SFTPD: variants seen among roughly 807,000 people sequenced by gnomAD.
SFTPD encodes the protein pulmonary surfactant-associated protein D.
Under a neutral mutation model 34.6 loss-of-function variants are expected in SFTPD, and 18 were observed. The ratio of observed to expected loss-of-function variants is 0.52; its 90% CI spans 0.36 to 0.77. The LOEUF (loss-of-function observed/expected upper bound fraction) is 0.77. Ranked by LOEUF, SFTPD falls within the 30% of genes least tolerant of loss-of-function variation. The probability of loss-of-function intolerance (pLI) is 0.00; values close to 1 mark genes in which losing one functional copy is unlikely to be tolerated. For missense variants in SFTPD, 433 were observed against 468.9 expected, an observed-to-expected ratio of 0.92 and a Z score of 0.71; for synonymous variants, 155 against 180.9, an observed-to-expected ratio of 0.86 and a Z score of 1.15.
In SFTPD at chr10:79,938,278, G is replaced by C. The variant is rs774837929; in HGVS notation, c.752-50C>G. 2.6e-6 allele frequency: 4 copies of C among 1,530,450 alleles called. No homozygotes were observed. In the Admixed American group the frequency reaches 5.4e-5, roughly 21 times the overall value. The allele number at this position is 1,530,450 out of a possible 1,614,324, so 94.8% of individuals were successfully genotyped here. A position where few individuals can be genotyped will look rare whatever the true frequency, so the allele number is the denominator to read the frequency against. On this transcript the variant is annotated intron_variant, in intron 7 of 7. Coordinates refer to ENST00000372292, the MANE Select transcript of SFTPD (RefSeq NM_003019.5). ...GGGGTTGTGGCATCACCTGGCCAAA[G>C]CTCAGGGGCTGTGAGACCTCTGTGC...
At chr10:79,960,247 C>T (rs1842764262) in intron 1 of SFTPD, among the ~76,000 whole-genome samples, 1 of 142,554 alleles carries the variant, frequency 7.0e-6, no homozygotes, top group Non-Finnish European at 1.5e-5. Context: ...GACAGGGATG[C>T]CCTCTCTCAC....
Position 79,968,704 on chromosome 10 carries a change from A to T in SFTPD, c.36+13871T>A, listed in dbSNP as rs145389070. 60 of 152,306 alleles carry T rather than the reference A, an allele frequency of 3.9e-4. 1 individual carries two copies. The highest frequency in any genetic ancestry group is 1.2e-3 in the African/African-American group (51 of 41,572). The allele number at this position is 152,306 out of a possible 1,614,324, so 9.4% of individuals were successfully genotyped here. ...CCAGTAATGAGACTGTGTCAAAAGT[A>T]GTTCTGGGTCAAAAAGTAGTTCTAA... On this transcript the variant is annotated intron_variant, in intron 1 of 5. Coordinates refer to the SFTPD transcript ENST00000444384.
chr10:79,953,419 TG>T (rs1284237279), upstream of SFTPD, among the ~76,000 whole-genome samples: 2 of 97,488 alleles, frequency 2.1e-5, no homozygotes, highest in African/African-American at 3.6e-5. Flanking sequence ...GATTGACAGG[TG>T]GGTTTTTTTT....
intron 1 of SFTPD, among the ~76,000 whole-genome samples, chr10:79,964,994 C>G (rs1315606949): frequency 6.6e-6 from 1 of 152,178 alleles, no homozygotes; most frequent in East Asian, 1.9e-4. Context: ...TTAGTCAAAT[C>G]ACCCAAACAG....
At chr10:79,960,785 G>GA (rs769988922) in intron 1 of SFTPD, among the ~76,000 whole-genome samples, 2 of 152,110 alleles carry the variant, frequency 1.3e-5, no homozygotes, top group African/African-American at 4.8e-5. Context: ...CACAGAATTG[G>GA]AAAAAACTAC....
upstream of SFTPD, among the ~76,000 whole-genome samples, chr10:79,954,007 T>C (rs1202284842): frequency 6.6e-6 from 1 of 151,476 alleles, no homozygotes; most frequent in African/African-American, 2.4e-5. Context: ...TTTGTGGGTT[T>C]TTTTTTTTAT....
intron 1 of SFTPD, among the ~76,000 whole-genome samples, chr10:79,960,926 T>C (rs2132513748): frequency 6.6e-6 from 1 of 152,254 alleles, no homozygotes; most frequent in South Asian, 2.1e-4. Flanking sequence ...CAAAACAGCA[T>C]GGTACTGGTA....
intron 1 of SFTPD, among the ~76,000 whole-genome samples, chr10:79,973,617 CAAAA>C (rs5786429): frequency 1.1e-5 from 1 of 90,640 alleles, no homozygotes; most frequent in Non-Finnish European, 2.2e-5. Flanking sequence ...GACTCTGTCT[CAAAA>C]AAAAAAAAAA....
chr10:79,941,281 C>A (rs1008521984), intron 6 of SFTPD, 117 bp downstream of exon 6: 14 of 873,672 alleles, frequency 1.6e-5, no homozygotes, highest in Non-Finnish European at 2.6e-5. Context: ...GTTCCACCCA[C>A]CAGCTGCCAT....
chr10:79,961,377 A>G (rs892484593), intron 1 of SFTPD, among the ~76,000 whole-genome samples: 3 of 152,204 alleles, frequency 2.0e-5, no homozygotes, highest in Admixed American at 6.5e-5. Flanking sequence ...AAATGGGACA[A>G]AATTTTTGCA....
chr10:79,980,860 G>A (rs1302925713), intron 1 of SFTPD, among the ~76,000 whole-genome samples: 1 of 152,200 alleles, frequency 6.6e-6, no homozygotes, highest in Non-Finnish European at 1.5e-5. Context: ...TCTCAAGAAG[G>A]ACAAGTACAA....
chr10:79,954,197 G>C (rs1441434949), intron 1 of SFTPD, among the ~76,000 whole-genome samples: 1 of 152,036 alleles, frequency 6.6e-6, no homozygotes, highest in African/African-American at 2.4e-5. Flanking sequence ...TTGGTTACTG[G>C]AGCTTTATTA....
At chr10:79,962,398 G>T (rs1249106812) in intron 1 of SFTPD, among the ~76,000 whole-genome samples, 1 of 151,964 alleles carries the variant, frequency 6.6e-6, no homozygotes, top group African/African-American at 2.4e-5. Flanking sequence ...ATGTGAATCT[G>T]TGCTCTGTGT....
At chr10:79,963,573 C>T (rs2132515819) in intron 1 of SFTPD, among the ~76,000 whole-genome samples, 1 of 152,178 alleles carries the variant, frequency 6.6e-6, no homozygotes, top group African/African-American at 2.4e-5. Flanking sequence ...TTTTAGTTTG[C>T]ATTTCTATGA....
chr10:79,945,838 C>G (rs1842659407), intron 2 of SFTPD, among the ~76,000 whole-genome samples: 2 of 152,178 alleles, frequency 1.3e-5, no homozygotes, highest in African/African-American at 4.8e-5. Context: ...TCCTTTCCAC[C>G]TCCAGAATGG....
chr10:79,948,232 A>G (rs754675458), intron 1 of SFTPD, among the ~76,000 whole-genome samples: 19 of 152,260 alleles, frequency 1.2e-4, no homozygotes, highest in Admixed American at 3.3e-4. Flanking sequence ...GACCCAGGCC[A>G]GAGCAAGGGC....
chr10:79,977,822 T>G, intron 1 of SFTPD, among the ~76,000 whole-genome samples: 1 of 136,244 alleles, frequency 7.3e-6, no homozygotes, highest in East Asian at 1.9e-4. Flanking sequence ...CCTTTCTTTC[T>G]TCCTCTCTTT....
At chr10:79,976,703 G>A (rs1174328634) in intron 1 of SFTPD, among the ~76,000 whole-genome samples, 1 of 152,176 alleles carries the variant, frequency 6.6e-6, no homozygotes, top group Non-Finnish European at 1.5e-5. Context: ...GGACTAGCAG[G>A]CCACTTCTAG....
In SFTPD at chr10:79,946,636, T is replaced by C. The variant is rs780623004; in HGVS notation, c.24A>G (p.Ala8=). Residue 8 remains alanine (A), a synonymous_variant, in exon 2 of 8, where the codon GCA becomes GCG. Coordinates refer to ENST00000372292, the MANE Select transcript of SFTPD (RefSeq NM_003019.5). ...CCAGGGGCTGTGTGAGCAGGACCAGTGCAGAGAGGAGGAAGAGCAGCATGG... is the reference window on the plus strand; with the variant it reads ...CCAGGGGCTGTGTGAGCAGGACCAGCGCAGAGAGGAGGAAGAGCAGCATGG... MLLFLLS[A]LVLLTQPLGY... is the part of the protein sequence containing the mutation. The C allele has an allele frequency of 2.4e-5, 39 of 1,614,010 alleles. No individual in the cohort carries two copies. The Middle Eastern group carries it at 6.6e-4, about 27-fold the overall frequency.
Sources: allele counts gnomAD v4.1 joint callset (sites outside exome capture counted in the v4.1 genomes callset), GRCh38; gene constraint gnomAD v4.1.1; transcripts MANE v1.5; gene names NCBI Gene and HGNC (gene_info 2026-07-23, HGNC 2026-07-21).